Variants in STK39 observed in about 807,000 individuals in gnomAD.
STK39 encodes serine/threonine kinase 39, also known as STE20/SPS1-related proline-alanine-rich protein kinase.
STK39 carries 20 observed loss-of-function variants against 77.8 expected under a neutral mutation model. The observed-to-expected ratio is 0.26, with a 90% CI of 0.18 to 0.37. The LOEUF is 0.37. Among genes scored for constraint, STK39 ranks in the 10% least tolerant of loss-of-function variants. The pLI, the probability that STK39 is intolerant of heterozygous loss-of-function variation, is 1.00. For missense variants in STK39, 479 were observed against 656.5 expected (o/e 0.73, Z 2.95); for synonymous variants, 246 against 234.1 (o/e 1.05, Z -0.47).
chr2:168,118,521 AT>A (rs1687314952), intron 10 of STK39, among the ~76,000 whole-genome samples: 1 of 151,302 alleles, frequency 6.6e-6, no homozygotes, highest in African/African-American at 2.4e-5. Context: ...GGATCAGCAA[AT>A]TACAATTTCC....
chr2:168,224,925 G>A (rs573946131), intron 1 of STK39, among the ~76,000 whole-genome samples: 1 of 152,316 alleles, frequency 6.6e-6, no homozygotes, highest in East Asian at 1.9e-4. Context: ...TACATTTCAA[G>A]TGATCTGAAA....
rs202000548 is a variant in STK39 at position 167,955,550 on chromosome 2, C to T, written c.1584G>A (p.Ser528=). 1.6e-4 allele frequency: 266 copies of T among 1,613,712 alleles called. No homozygotes were observed. Among genetic ancestry groups the T allele is most frequent in the Admixed American group, 2.3e-4 (14 of 59,982 alleles). ...TFKLASGCDG[S]EIPDEVKLIG... is the part of the protein sequence containing the mutation. ...TCAGCTTCACTTCATCAGGAATCTC[C>T]GACCCATCACAGCCAGAAGCCTGAA... The change falls in exon 18 of 18, where the codon TCG becomes TCA. Residue 528 remains serine (S), a synonymous_variant. Transcript: ENST00000355999.
At chr2:168,085,183 G>A (rs1344626764) in intron 10 of STK39, among the ~76,000 whole-genome samples, 4 of 152,184 alleles carry the variant, frequency 2.6e-5, no homozygotes, top group Non-Finnish European at 5.9e-5. Flanking sequence ...ACTTTTGCTG[G>A]CAGGAAGCAG....
At chr2:168,042,329 T>C (rs1049911003) in intron 14 of STK39, among the ~76,000 whole-genome samples, 11 of 152,202 alleles carry the variant, frequency 7.2e-5, no homozygotes, top group Non-Finnish European at 1.3e-4. Context: ...TTCCTCTAAA[T>C]ATTTCTAGGG....
chr2:168,136,399 G>A (rs78989634), intron 8 of STK39, among the ~76,000 whole-genome samples: 1 of 150,526 alleles, frequency 6.6e-6, no homozygotes, highest in Non-Finnish European at 1.5e-5. Flanking sequence ...GAAATAAAAA[G>A]GGTTTGTTAA....
At position 168,078,273 on chromosome 2, in the gene STK39, C is replaced by T. The variant is rs76824344; in HGVS notation, c.1090-3042G>A. ...TGAAAACCCGTTAAATAAATGAACC[C>T]AAGTTCTGATTCCAAGAAAAGAAGG... On this transcript the variant is annotated intron_variant, in intron 10 of 17. Coordinates refer to ENST00000355999, the MANE Select transcript of STK39 (RefSeq NM_013233.3). Among the ~76,000 whole-genome samples the T allele has an allele frequency of 8.9e-3, 1,343 of 150,692 alleles. 17 individuals carry two copies. Among genetic ancestry groups the T allele is most frequent in the African/African-American group, 0.03 (1,246 of 40,976 alleles).
chr2:168,083,083 ATTAT>A (rs939653069), intron 10 of STK39, among the ~76,000 whole-genome samples: 2 of 152,076 alleles, frequency 1.3e-5, no homozygotes, highest in Non-Finnish European at 2.9e-5. Flanking sequence ...CCAGCCCCAA[ATTAT>A]TTATTTGTTT....
At chr2:168,135,200 T>C (rs139775353) in intron 8 of STK39, among the ~76,000 whole-genome samples, 75 of 152,168 alleles carry the variant, frequency 4.9e-4, no homozygotes, top group African/African-American at 1.8e-3. Context: ...AAAAGACATA[T>C]TTTCAACATA....
chr2:168,118,847 C>G (rs1574479875), intron 10 of STK39, among the ~76,000 whole-genome samples: 1 of 152,154 alleles, frequency 6.6e-6, no homozygotes, highest in African/African-American at 2.4e-5. Context: ...TAATAGCACC[C>G]CCTAGTGACC....
chr2:168,229,484 AAG>A (rs1347653728), intron 1 of STK39, among the ~76,000 whole-genome samples: 1 of 152,192 alleles, frequency 6.6e-6, no homozygotes, highest in Non-Finnish European at 1.5e-5. Flanking sequence ...AAAAAAAATG[AAG>A]AGAGGCAAAC....
intron 2 of STK39, among the ~76,000 whole-genome samples, chr2:168,169,024 C>T (rs1688758486): frequency 6.6e-6 from 1 of 152,056 alleles, no homozygotes; most frequent in African/African-American, 2.4e-5. Context: ...TGCTTTTAAC[C>T]AAAGATAAAC....
chr2:168,012,670 A>C lies in STK39; in HGVS notation c.1462T>G (p.Ser488Ala). 6.2e-7 allele frequency: 1 copy of C among 1,613,886 alleles called. No homozygotes were observed. The highest frequency in any genetic ancestry group is 8.5e-7 in the Non-Finnish European group (1 of 1,179,844). ...TCGTGACCATCCACCAAGCCAGCAG[A>C]GAAGAGCTCCTGAGATACACCATCT... Reference protein sequence around the residue: ...TADGVSQELFSAGLVDGHDVV... With the variant: ...TADGVSQELFAAGLVDGHDVV... The change falls in exon 16 of 18, where the codon TCT becomes GCT. Residue 488 changes from serine (S) to alanine (A), a missense_variant. This residue lies in a region of STK39 where 244 missense variants were observed against 296.8 expected (regional missense o/e 0.82). Coordinates refer to ENST00000355999, the MANE Select transcript of STK39 (RefSeq NM_013233.3).
intron 1 of STK39, among the ~76,000 whole-genome samples, chr2:168,189,412 A>G (rs1462832288): frequency 4.0e-5 from 1 of 24,752 alleles, no homozygotes; most frequent in Non-Finnish European, 9.8e-5. Flanking sequence ...AGCAACAACT[A>G]AAAAAAAAAA....
At chr2:167,960,068 CT>C (rs1553506425) in intron 17 of STK39, among the ~76,000 whole-genome samples, 4 of 152,180 alleles carry the variant, frequency 2.6e-5, no homozygotes, top group Non-Finnish European at 5.9e-5. Context: ...GTTAAAGACA[CT>C]TTAAAAAACA....
chr2:168,100,628 T>C (rs758606670), intron 10 of STK39, among the ~76,000 whole-genome samples: 3 of 152,122 alleles, frequency 2.0e-5, no homozygotes, highest in East Asian at 1.9e-4. Flanking sequence ...TCAGAGTGAA[T>C]AGGCAACCTA....
intron 10 of STK39, among the ~76,000 whole-genome samples, chr2:168,114,208 A>C (rs1256736389): frequency 1.3e-5 from 2 of 152,214 alleles, no homozygotes; most frequent in Non-Finnish European, 2.9e-5. Context: ...ATGAGGTTGT[A>C]GCTGTTGGGT....
chr2:168,035,169 C>T (rs893148752), intron 14 of STK39, among the ~76,000 whole-genome samples: 1 of 152,114 alleles, frequency 6.6e-6, no homozygotes, highest in Non-Finnish European at 1.5e-5. Flanking sequence ...AAGATTTCTG[C>T]CTTTGAGGGG....
At chr2:168,059,626 G>A (rs987588173) in intron 14 of STK39, among the ~76,000 whole-genome samples, 5 of 152,108 alleles carry the variant, frequency 3.3e-5, no homozygotes, top group Admixed American at 2.0e-4. Flanking sequence ...TGAGCATGCC[G>A]CAATTTCAGC....
intron 16 of STK39, among the ~76,000 whole-genome samples, chr2:167,969,610 TATTCATCTCTGTAAAAC>T (rs1336527632): frequency 6.6e-6 from 1 of 152,204 alleles, no homozygotes; most frequent in African/African-American, 2.4e-5. Flanking sequence ...GAAAAAATCT[TATTCATCTCTGTAAAAC>T]ATTCATCTTT....
Sources: allele counts gnomAD v4.1 joint callset (sites outside exome capture counted in the v4.1 genomes callset), GRCh38; gene constraint gnomAD v4.1.1; regional missense constraint gnomAD v4.1.1; transcripts MANE v1.5; gene names NCBI Gene and HGNC (gene_info 2026-07-23, HGNC 2026-07-21).